Variants in ZNF490 observed in about 807,000 individuals in gnomAD.
The protein encoded by ZNF490 is zinc finger protein 490.
Under a neutral mutation model 17.7 loss-of-function variants are expected in ZNF490, and 11 were observed. The observed-to-expected ratio is 0.62, with a 90% CI of 0.39 to 1.03. ZNF490 has a LOEUF of 1.03. ZNF490 is among the 50% of genes least tolerant of loss of function. The probability of loss-of-function intolerance (pLI) is 0.00; values close to 1 mark genes in which losing one functional copy is unlikely to be tolerated. For missense variants in ZNF490, 542 were observed against 643.4 expected (o/e 0.84, Z 1.71); for synonymous variants, 222 against 216.1 (o/e 1.03, Z -0.24).
At chr19:12,590,987 T>C (rs896919901) in intron 2 of ZNF490, among the ~76,000 whole-genome samples, 6 of 151,792 alleles carry the variant, frequency 4.0e-5, no homozygotes, top group African/African-American at 1.5e-4. Flanking sequence ...GATGTAACTG[T>C]AAAATACAAT....
chr19:12,604,714 C>T (rs2023047209), intron 2 of ZNF490, among the ~76,000 whole-genome samples: 1 of 150,762 alleles, frequency 6.6e-6, no homozygotes, highest in African/African-American at 2.4e-5. Context: ...ATCCCAGCTA[C>T]TTGGGAAGCT....
rs1157334466 is a variant in ZNF490, at chr19:12,601,984, ACT to A, written c.162+7172_162+7173del. 2.6e-5 allele frequency among the ~76,000 whole-genome samples: 4 copies of A among 151,292 alleles called. No homozygotes were observed. The Admixed American group carries it at 2.6e-4, about 10-fold the overall frequency. ...ACTCCAGCCTGGGCGAGAGAGCAAG[ACT>A]CTGACTCAACAAAAAAAAAAGAAAA... On this transcript the variant is annotated intron_variant, in intron 2 of 4. Transcript: ENST00000311437.
In ZNF490 at chr19:12,581,509, T is replaced by G. The variant is rs1166651122; in HGVS notation, c.566A>C (p.Tyr189Ser). The change falls in exon 5 of 5, where the codon TAT (tyrosine) becomes TCT (serine). Residue 189 changes from tyrosine to serine, a missense_variant. Physicochemically the swap from Tyr to Ser is moderately radical, Grantham distance 144. Coordinates refer to ENST00000311437, the MANE Select transcript of ZNF490 (RefSeq NM_020714.3). Reference protein sequence around the residue: ...TEQKPNECHEYGEKPHKCKEC... With the variant: ...TEQKPNECHESGEKPHKCKEC... ...TTTGCATTTATGTGGCTTCTCTCCATATTCGTGACACTCATTTGGTTTCTG... is the reference window on the plus strand; with the variant it reads ...TTTGCATTTATGTGGCTTCTCTCCAGATTCGTGACACTCATTTGGTTTCTG... 7.4e-6 allele frequency: 12 copies of G among 1,614,098 alleles called. No homozygotes were observed. The highest frequency in any genetic ancestry group is 9.3e-6 in the Non-Finnish European group (11 of 1,180,050).
intron 2 of ZNF490, among the ~76,000 whole-genome samples, chr19:12,598,003 A>G (rs1599310899): frequency 6.6e-6 from 1 of 152,164 alleles, no homozygotes. Context: ...AGGCGGGCGG[A>G]TCACGAGGTC....
At chr19:12,595,400 A>C (rs117614261) in intron 2 of ZNF490, among the ~76,000 whole-genome samples, 3,669 of 152,158 alleles carry the variant, frequency 0.024, 65 homozygotes, top group Non-Finnish European at 0.035. Context: ...GGTGTGGGCC[A>C]CCATGTCCAG....
intron 1 of ZNF490, among the ~76,000 whole-genome samples, chr19:12,609,483 G>A (rs2145171697): frequency 6.6e-6 from 1 of 152,188 alleles, no homozygotes. Flanking sequence ...CAAACTCTTA[G>A]CCTTGAGATC....
intron 2 of ZNF490, among the ~76,000 whole-genome samples, chr19:12,590,816 G>A (rs1034184444): frequency 6.6e-5 from 10 of 151,886 alleles, no homozygotes; most frequent in Non-Finnish European, 1.5e-4. Context: ...GGTGGCTCAC[G>A]CCTGTAATCC....
chr19:12,583,396 C>A (rs775584838), intron 3 of ZNF490, 34 bp downstream of exon 3: 1 of 1,556,892 alleles, frequency 6.4e-7, no homozygotes, highest in Non-Finnish European at 8.7e-7. Context: ...CCTGTTCCCT[C>A]CTTAATTAAG....
At chr19:12,589,907 TATG>T (rs2022847983) in intron 2 of ZNF490, among the ~76,000 whole-genome samples, 5 of 40,970 alleles carry the variant, frequency 1.2e-4, no homozygotes, top group African/African-American at 2.3e-4. Context: ...TGTATGTATG[TATG>T]TATTTATTTA....
In ZNF490 at chr19:12,577,964, A is replaced by G; in HGVS notation, c.*2521T>C. ...AGAAAACGGAGAATTCGGAGGCTCC[A>G]GCAAGCAGTTTATTGGGAGTTGAGT... On this transcript the variant is annotated 3_prime_UTR_variant, in exon 5 of 5. Transcript: ENST00000311437. 1.0e-6 allele frequency: 1 copy of G among 985,478 alleles called. No homozygotes were observed. Among genetic ancestry groups the G allele is most frequent in the Non-Finnish European group, 1.2e-6 (1 of 829,962 alleles). The allele number at this position is 985,478 out of a possible 1,614,324, so 61.0% of individuals were successfully genotyped here.
At chr19:12,596,264 CAAAAA>C (rs74180082) in intron 2 of ZNF490, among the ~76,000 whole-genome samples, 5 of 93,212 alleles carry the variant, frequency 5.4e-5, no homozygotes, top group African/African-American at 8.4e-5. Flanking sequence ...GACTCCGTCT[CAAAAA>C]AAAAAAAAAA....
intron 2 of ZNF490, among the ~76,000 whole-genome samples, chr19:12,594,303 T>TA (rs1021306043): frequency 3.6e-4 from 55 of 151,914 alleles, no homozygotes; most frequent in Non-Finnish European, 7.2e-4. Flanking sequence ...CCGTCTCTAC[T>TA]AAAAATACAA....
chr19:12,577,625 C>T lies in ZNF490; in HGVS notation c.*2860G>A. 2.0e-6 allele frequency: 2 copies of T among 985,490 alleles called. No individual in the cohort carries two copies. The highest frequency in any genetic ancestry group is 2.4e-6 in the Non-Finnish European group (2 of 829,970). The allele number at this position is 985,490 out of a possible 1,614,324, so 61.0% of individuals were successfully genotyped here. A position where few individuals can be genotyped will look rare whatever the true frequency, so the allele number is the denominator to read the frequency against. ...ACAGTAGCCGTCACTTCCACTGAGGCCTCATCTGCCAGCAAACCTTGCTCC... is the reference window on the plus strand; with the variant it reads ...ACAGTAGCCGTCACTTCCACTGAGGTCTCATCTGCCAGCAAACCTTGCTCC... On this transcript the variant is annotated 3_prime_UTR_variant, in exon 5 of 5. Coordinates refer to ENST00000311437, the MANE Select transcript of ZNF490 (RefSeq NM_020714.3).
chr19:12,601,819 T>C (rs184449639), intron 2 of ZNF490, among the ~76,000 whole-genome samples: 5,834 of 151,380 alleles, frequency 0.039, 147 homozygotes, highest in Middle Eastern at 0.075. Context: ...GGTGAAACCC[T>C]GTCTCTACTA....
rs181472986 is a variant in ZNF490 at position 12,604,134 on chromosome 19, T to A, written c.162+5024A>T. ...CACCATAAAAACCCAAAAACACGGC[T>A]CAGAGAGCCTTCTGGTTGGTAAATA... On this transcript the variant is annotated intron_variant, in intron 2 of 4. Transcript: ENST00000311437. Among the ~76,000 whole-genome samples, 5 of 152,348 alleles carry A rather than the reference T, an allele frequency of 3.3e-5. No homozygotes were observed. In the East Asian group the frequency reaches 9.6e-4, roughly 29 times the overall value.
Position 12,610,543 on chromosome 19 carries a change from AT to A in ZNF490, c.117+20del. 1.3e-6 allele frequency: 2 copies of A among 1,597,132 alleles called. No individual in the cohort carries two copies. The highest frequency in any genetic ancestry group is 1.7e-5 in the Admixed American group (1 of 59,968). ...ACTATTCCACGAGAGGCCTTACAAC[AT>A]TATGCCAAGCCCCTGGTACCTGGAG... On this transcript the variant is annotated intron_variant, in intron 1 of 4. Coordinates refer to ENST00000311437, the MANE Select transcript of ZNF490 (RefSeq NM_020714.3).
rs1346033821 is a variant in ZNF490 at position 12,577,619 on chromosome 19, C to T, written c.*2866G>A. On this transcript the variant is annotated 3_prime_UTR_variant, in exon 5 of 5. Transcript: ENST00000311437. The stretch of plus-strand genomic sequence containing the variant: ...ATCTCCACAGTAGCCGTCACTTCCA[C>T]TGAGGCCTCATCTGCCAGCAAACCT... The T allele has an allele frequency of 2.0e-6, 2 of 985,392 alleles. No homozygotes were observed. Among genetic ancestry groups the T allele is most frequent in the Non-Finnish European group, 2.4e-6 (2 of 829,976 alleles). 61.0% of individuals were successfully genotyped at this position (985,392 alleles called of 1,614,324 possible).
rs776989207 is a variant in ZNF490, at chr19:12,580,972, C to G, written c.1103G>C (p.Gly368Ala). 1 of 1,614,186 alleles carries G rather than the reference C, an allele frequency of 6.2e-7. No individual in the cohort carries two copies. The highest frequency in any genetic ancestry group is 1.7e-5 in the Admixed American group (1 of 60,012). ...GGAACTAGATGACTTGAAGGCTTCC[C>G]CACATTTCTTACATGTATAAGGTTG... ...GVQPYTCKKC[G>A]EAFKSSSSCE... Residue 368 changes from glycine (G) to alanine (A), a missense_variant, in exon 5 of 5, where the codon GGG becomes GCG. Transcript: ENST00000311437.
intron 4 of ZNF490, 142 bp from the exon 5 acceptor site, chr19:12,581,866 T>C (rs1176082242): frequency 4.2e-6 from 3 of 709,530 alleles, no homozygotes; most frequent in East Asian, 2.7e-5. Context: ...AAAGCTAATA[T>C]ACTCAATAGT....
Sources: gnomAD v4.1 joint callset for allele counts (sites outside exome capture counted in the v4.1 genomes callset) on GRCh38, gnomAD v4.1.1 for gene constraint, MANE v1.5 for transcripts, NCBI Gene and HGNC (gene_info 2026-07-23, HGNC 2026-07-21) for gene names.